MAGI2: variants seen among roughly 807,000 people sequenced by gnomAD.
The protein encoded by MAGI2 is membrane associated guanylate kinase, WW and PDZ domain containing 2, also known as membrane-associated guanylate kinase, WW and PDZ domain-containing protein 2.
Under a neutral mutation model 133.3 loss-of-function variants are expected in MAGI2, and 35 were observed. The ratio of observed to expected loss-of-function variants is 0.26; its 90% CI spans 0.20 to 0.35. The LOEUF (loss-of-function observed/expected upper bound fraction) is 0.35, where lower values mean the gene tolerates loss of function less well. MAGI2 is among the 10% of genes least tolerant of loss of function. The pLI, the probability that MAGI2 is intolerant of heterozygous loss-of-function variation, is 1.00. For synonymous variants in MAGI2, 729 were observed against 710.6 expected (o/e 1.03, Z -0.41); for missense variants, 1,636 against 1,863.4 (o/e 0.88, Z 2.25).
intron 1 of MAGI2, among the ~76,000 whole-genome samples, chr7:79,374,342 A>ACG (rs979733221): frequency 6.6e-5 from 10 of 151,640 alleles, no homozygotes; most frequent in African/African-American, 9.7e-5. Flanking sequence ...ACACACACAC[A>ACG]CACACAAAAG....
At chr7:78,471,497 A>C (rs11763781) in intron 6 of MAGI2, among the ~76,000 whole-genome samples, 31,863 of 152,090 alleles carry the variant, frequency 0.21, 3,935 homozygotes, top group African/African-American at 0.35. Context: ...TGAAGTAGAG[A>C]GCAAGAATGT....
Position 78,626,826 on chromosome 7 carries a change from ATGTGTGTG to A in MAGI2, c.538+286_538+293del, listed in dbSNP as rs71085549. On this transcript the variant is annotated intron_variant, in intron 3 of 21. Transcript: ENST00000354212. ...AGGAGACAAGCACAAGAATACTTCAATGTGTGTGTGTGTGTGTGTGTGTGTGTGTGTGT... is the reference window on the plus strand; with the variant it reads ...AGGAGACAAGCACAAGAATACTTCAATGTGTGTGTGTGTGTGTGTGTGTGT... 8.8e-3 allele frequency among the ~76,000 whole-genome samples: 1,309 copies of A among 148,412 alleles called. 9 individuals carry two copies. The highest frequency in any genetic ancestry group is 0.026 in the African/African-American group (1,046 of 40,334).
intron 6 of MAGI2, among the ~76,000 whole-genome samples, chr7:78,414,559 A>G (rs1440278086): frequency 6.6e-6 from 1 of 152,096 alleles, no homozygotes; most frequent in Non-Finnish European, 1.5e-5. Context: ...TAAAAGACCA[A>G]GAGAGGGGAC....
chr7:78,892,636 C>G (rs561423398), intron 2 of MAGI2, among the ~76,000 whole-genome samples: 4 of 152,280 alleles, frequency 2.6e-5, no homozygotes, highest in African/African-American at 9.6e-5. Flanking sequence ...GGAAAGGATT[C>G]CCTATTTAAT....
At chr7:78,124,507 T>C (rs971584143) in intron 20 of MAGI2, among the ~76,000 whole-genome samples, 2 of 152,198 alleles carry the variant, frequency 1.3e-5, no homozygotes, top group Admixed American at 6.5e-5. Flanking sequence ...ATGCGTATCA[T>C]AGAAATGCAG....
intron 10 of MAGI2, among the ~76,000 whole-genome samples, chr7:78,244,415 C>A (rs1315872583): frequency 1.3e-5 from 2 of 151,562 alleles, no homozygotes; most frequent in Non-Finnish European, 2.9e-5. Flanking sequence ...AAAAGGGTAC[C>A]CTTCCTCCCA....
At chr7:78,478,253 C>A (rs1282171513) in intron 6 of MAGI2, among the ~76,000 whole-genome samples, 1 of 151,830 alleles carries the variant, frequency 6.6e-6, no homozygotes, top group African/African-American at 2.4e-5. Flanking sequence ...CCAGCATCAT[C>A]CATGTCCCTG....
At chr7:78,826,167 A>C (rs1326446884) in intron 2 of MAGI2, among the ~76,000 whole-genome samples, 2 of 151,924 alleles carry the variant, frequency 1.3e-5, no homozygotes, top group Non-Finnish European at 2.9e-5. Flanking sequence ...CCTGCCTAAC[A>C]CGGTGAAACC....
chr7:78,732,764 G>A (rs1351261176), intron 2 of MAGI2, among the ~76,000 whole-genome samples: 1 of 150,210 alleles, frequency 6.7e-6, no homozygotes, highest in East Asian at 2.0e-4. Flanking sequence ...AGCTGAGGTA[G>A]AATCATAGGT....
At chr7:79,067,590 A>G (rs532564394) in intron 1 of MAGI2, among the ~76,000 whole-genome samples, 2 of 152,124 alleles carry the variant, frequency 1.3e-5, no homozygotes, top group African/African-American at 4.8e-5. Context: ...ATTGAATACC[A>G]TTTATTTCTT....
chr7:79,435,845 A>G (rs541478825), intron 1 of MAGI2, among the ~76,000 whole-genome samples: 2 of 152,266 alleles, frequency 1.3e-5, no homozygotes, highest in South Asian at 2.1e-4. Context: ...AGGCATCACC[A>G]TTACCTGATT....
chr7:79,406,011 T>C (rs1845782698), intron 1 of MAGI2, among the ~76,000 whole-genome samples: 2 of 151,510 alleles, frequency 1.3e-5, no homozygotes. Context: ...GGATAAAAGA[T>C]TTCTTTCCTC....
At chr7:78,453,188 T>C (rs1788913346) in intron 6 of MAGI2, among the ~76,000 whole-genome samples, 1 of 152,152 alleles carries the variant, frequency 6.6e-6, no homozygotes. Flanking sequence ...TAATGAACAA[T>C]GTGAATATTT....
intron 2 of MAGI2, among the ~76,000 whole-genome samples, chr7:78,682,012 T>C: frequency 6.7e-6 from 1 of 148,994 alleles, no homozygotes; most frequent in African/African-American, 2.4e-5. Context: ...ATCTCTGTAA[T>C]CCTACAATTT....
chr7:78,040,292 A>C (rs748024072), intron 21 of MAGI2, among the ~76,000 whole-genome samples: 27 of 152,068 alleles, frequency 1.8e-4, no homozygotes, highest in Non-Finnish European at 3.8e-4. Context: ...CCGGAGTGAG[A>C]GCTGAATTCT....
intron 2 of MAGI2, 135 bp downstream of exon 2, chr7:79,006,954 AC>A: frequency 1.7e-6 from 1 of 587,606 alleles, no homozygotes; most frequent in Non-Finnish European, 2.9e-6. Context: ...TAAAATTGCC[AC>A]ATCTCAAATA....
At chr7:78,512,491 C>A (rs1000006090) in intron 4 of MAGI2, among the ~76,000 whole-genome samples, 1 of 152,168 alleles carries the variant, frequency 6.6e-6, no homozygotes, top group African/African-American at 2.4e-5. Flanking sequence ...CTGCAACCTC[C>A]GCCTCCCGGG....
intron 3 of MAGI2, among the ~76,000 whole-genome samples, chr7:78,533,565 G>C (rs1353056206): frequency 6.6e-6 from 1 of 152,174 alleles, no homozygotes; most frequent in African/African-American, 2.4e-5. Flanking sequence ...AGGTACTAGA[G>C]CGGCACTATC....
At chr7:79,178,973 T>C (rs539645920) in intron 1 of MAGI2, among the ~76,000 whole-genome samples, 1 of 152,062 alleles carries the variant, frequency 6.6e-6, no homozygotes, top group African/African-American at 2.4e-5. Context: ...GAAGATTTAG[T>C]AAATTATTAA....
Sources: gnomAD v4.1 joint callset for allele counts (sites outside exome capture counted in the v4.1 genomes callset) on GRCh38, gnomAD v4.1.1 for gene constraint, MANE v1.5 for transcripts, NCBI Gene and HGNC (gene_info 2026-07-23, HGNC 2026-07-21) for gene names.